The following MEIS1 variants were observed in gnomAD, a reference collection of about 807,000 sequenced individuals.
The protein encoded by MEIS1 is Meis homeobox 1, also known as homeobox protein Meis1.
Under a neutral mutation model 50.8 loss-of-function variants are expected in MEIS1, and 5 were observed. The observed-to-expected ratio is 0.10, with a 90% CI of 0.05 to 0.21. The LOEUF is 0.21. MEIS1 is among the 10% of genes least tolerant of loss of function. MEIS1 has a pLI of 1.00. For missense variants in MEIS1, 318 were observed against 517.3 expected, an observed-to-expected ratio of 0.61 and a Z score of 3.74; for synonymous variants, 176 against 179.3, an observed-to-expected ratio of 0.98 and a Z score of 0.15.
At chr2:66,548,412 G>T (rs997320580) in intron 9 of MEIS1, among the ~76,000 whole-genome samples, 1 of 151,938 alleles carries the variant, frequency 6.6e-6, no homozygotes, top group Admixed American at 6.6e-5. Context: ...TAAATTCATT[G>T]AATAACTAAA....
intron 6 of MEIS1, among the ~76,000 whole-genome samples, chr2:66,457,223 A>T (rs1672413007): frequency 6.7e-6 from 1 of 150,326 alleles, no homozygotes; most frequent in Non-Finnish European, 1.5e-5. Context: ...TGAATTTGAA[A>T]TTGAGTAGAT....
chr2:66,476,533 G>A (rs1672895813), intron 7 of MEIS1, among the ~76,000 whole-genome samples: 1 of 152,192 alleles, frequency 6.6e-6, no homozygotes, highest in African/African-American at 2.4e-5. Context: ...ACAGTCTGGT[G>A]GAGGAACAGA....
intron 5 of MEIS1, chr2:66,441,666 A>G: frequency 1.9e-6 from 1 of 537,842 alleles, no homozygotes; most frequent in East Asian, 3.5e-5. Context: ...CTGGGATCAC[A>G]AACGCCCTAG....
intron 8 of MEIS1, among the ~76,000 whole-genome samples, chr2:66,534,379 TA>T (rs1166287128): frequency 6.6e-6 from 1 of 151,962 alleles, no homozygotes; most frequent in Non-Finnish European, 1.5e-5. Context: ...ACTCAAAATA[TA>T]AAAATTAGCT....
In MEIS1 at chr2:66,473,378, C is replaced by CAAA. The variant is rs71409174; in HGVS notation, c.742+9176_742+9178dup. ...GGGTAACAAGAGTGAGACTCCATGT[C>CAAA]AAAAAAAAAAAAAAAAAAAATATAT... On this transcript the variant is annotated intron_variant, in intron 7 of 12. Coordinates refer to ENST00000272369, the MANE Select transcript of MEIS1 (RefSeq NM_002398.3). 3.6e-3 allele frequency among the ~76,000 whole-genome samples: 195 copies of CAAA among 53,820 alleles called. 1 individual carries two copies. The highest frequency in any genetic ancestry group is 0.022 in the Middle Eastern group (2 of 92). The allele number at this position is 53,820 out of a possible 152,430, so 35.3% of individuals were successfully genotyped here. A position where few individuals can be genotyped will look rare whatever the true frequency, so the allele number is the denominator to read the frequency against.
chr2:66,470,537 TC>T (rs1396407522), intron 7 of MEIS1, among the ~76,000 whole-genome samples: 1 of 152,322 alleles, frequency 6.6e-6, no homozygotes, highest in African/African-American at 2.4e-5. Flanking sequence ...CTGCTTGACT[TC>T]TAGCATCATG....
intron 7 of MEIS1, among the ~76,000 whole-genome samples, chr2:66,488,978 A>G (rs1262198285): frequency 6.6e-6 from 1 of 152,194 alleles, no homozygotes; most frequent in Non-Finnish European, 1.5e-5. Flanking sequence ...AATTCTTCCT[A>G]AAGTTTTTTG....
chr2:66,510,769 A>C (rs191390796), intron 7 of MEIS1, among the ~76,000 whole-genome samples: 25 of 152,298 alleles, frequency 1.6e-4, no homozygotes, highest in Non-Finnish European at 2.8e-4. Context: ...GCTGTTAAAA[A>C]CAGTTGATTA....
Position 66,571,832 on chromosome 2 carries a change from T to C in MEIS1, c.*624T>C. On this transcript the variant is annotated 3_prime_UTR_variant, in exon 13 of 13. Transcript: ENST00000272369. Reference sequence around the variant, plus strand: ...ATGTGAAATTTTTCCACACTATGTGTGTTGTTTCCATAGCTCTTCACTTCC... The same window carrying C: ...ATGTGAAATTTTTCCACACTATGTGCGTTGTTTCCATAGCTCTTCACTTCC... 1 of 320,758 alleles carries C rather than the reference T, an allele frequency of 3.1e-6. No homozygotes were observed. Among genetic ancestry groups the C allele is most frequent in the Non-Finnish European group, 5.7e-6 (1 of 175,732 alleles). 19.9% of individuals were successfully genotyped at this position (320,758 alleles called of 1,614,324 possible). A position where few individuals can be genotyped will look rare whatever the true frequency, so the allele number is the denominator to read the frequency against.
chr2:66,473,481 G>C (rs1404848567), intron 7 of MEIS1, among the ~76,000 whole-genome samples: 1 of 148,546 alleles, frequency 6.7e-6, no homozygotes, highest in Non-Finnish European at 1.5e-5. Flanking sequence ...TCTGTTGTCT[G>C]CTGAATTTTT....
chr2:66,439,428 C>G, intron 2 of MEIS1: 1 of 1,310,062 alleles, frequency 7.6e-7, no homozygotes, highest in Middle Eastern at 2.9e-4. Flanking sequence ...AGGAGGAACC[C>G]GCAGGAACCA....
intron 7 of MEIS1, among the ~76,000 whole-genome samples, chr2:66,470,930 C>T (rs1163784900): frequency 6.6e-6 from 1 of 152,168 alleles, no homozygotes; most frequent in Non-Finnish European, 1.5e-5. Flanking sequence ...CAAGTAACTG[C>T]TTTACTTATG....
At chr2:66,496,895 T>C (rs1046920889) in intron 7 of MEIS1, among the ~76,000 whole-genome samples, 1 of 152,240 alleles carries the variant, frequency 6.6e-6, no homozygotes, top group Non-Finnish European at 1.5e-5. Flanking sequence ...TTGTGAACTT[T>C]CTCTGGATCT....
chr2:66,476,811 G>T (rs1558532490), intron 7 of MEIS1, among the ~76,000 whole-genome samples: 2 of 151,960 alleles, frequency 1.3e-5, no homozygotes, highest in South Asian at 4.1e-4. Context: ...AGAAGAAATT[G>T]GTTTTCTATT....
intron 9 of MEIS1, among the ~76,000 whole-genome samples, chr2:66,552,538 G>A (rs1674946809): frequency 6.6e-6 from 1 of 152,096 alleles, no homozygotes; most frequent in Non-Finnish European, 1.5e-5. Flanking sequence ...ACATTTCTTA[G>A]ATTTAGTGCT....
intron 8 of MEIS1, among the ~76,000 whole-genome samples, chr2:66,516,789 T>C (rs976961624): frequency 1.3e-5 from 2 of 152,208 alleles, no homozygotes; most frequent in African/African-American, 4.8e-5. Context: ...GAATTGGGAA[T>C]TGAATGCTCT....
chr2:66,571,077 G>A, intron 12 of MEIS1, 169 bp from the exon 13 acceptor site: 1 of 679,694 alleles, frequency 1.5e-6, no homozygotes, highest in Non-Finnish European at 2.3e-6. Flanking sequence ...TTTCCAGCAT[G>A]ATGTTTCTCA....
chr2:66,492,268 G>T (rs1391768999), intron 7 of MEIS1, among the ~76,000 whole-genome samples: 1 of 151,810 alleles, frequency 6.6e-6, no homozygotes, highest in Non-Finnish European at 1.5e-5. Flanking sequence ...AACTGTCACC[G>T]TGCTTATAGA....
Position 66,573,335 on chromosome 2 carries a change from T to TC in MEIS1, c.*2130dup, listed in dbSNP as rs1675516521. On this transcript the variant is annotated 3_prime_UTR_variant, in exon 13 of 13. Transcript: ENST00000272369. ...TAAAATTGCTGCTATAAAAAGTGCT[T>TC]CCCAAAGCTAAGGAAAATATACAAA... 1 of 152,196 alleles carries TC rather than the reference T, an allele frequency of 6.6e-6. No homozygotes were observed. Among genetic ancestry groups the TC allele is most frequent in the Non-Finnish European group, 1.5e-5 (1 of 68,036 alleles). 9.4% of individuals were successfully genotyped at this position (152,196 alleles called of 1,614,324 possible).
Sources: allele counts gnomAD v4.1 joint callset (sites outside exome capture counted in the v4.1 genomes callset), GRCh38; gene constraint gnomAD v4.1.1; transcripts MANE v1.5; gene names NCBI Gene and HGNC (gene_info 2026-07-23, HGNC 2026-07-21).